The following TMC5 variants were observed in gnomAD, a reference collection of about 807,000 sequenced individuals.
TMC5 encodes transmembrane channel like 5.
Under a neutral mutation model 110.5 loss-of-function variants are expected in TMC5, and 86 were observed. The ratio of observed to expected loss-of-function variants is 0.78; its 90% CI spans 0.65 to 0.93. The LOEUF (loss-of-function observed/expected upper bound fraction) is 0.93, where lower values mean the gene tolerates loss of function less well. Ranked by LOEUF, TMC5 falls within the 40% of genes least tolerant of loss-of-function variation. The pLI is 0.00. For synonymous variants in TMC5, 455 were observed against 439.5 expected (o/e 1.04, Z -0.44); for missense variants, 1,144 against 1,222.8 (o/e 0.94, Z 0.96).
chr16:19,497,255 C>A, intron 21 of TMC5, 92 bp downstream of exon 21: 1 of 1,336,932 alleles, frequency 7.5e-7, no homozygotes, highest in Non-Finnish European at 1.1e-6. Context: ...GTGTCCATTA[C>A]TTTTTCAGTT....
At chr16:19,432,103 G>T (rs749485095) in intron 2 of TMC5, among the ~76,000 whole-genome samples, 2 of 152,094 alleles carry the variant, frequency 1.3e-5, no homozygotes, top group South Asian at 2.1e-4. Context: ...AGTGGGAGGC[G>T]GCAGAGAGCC....
At chr16:19,486,250 G>C (rs1232037924) in intron 15 of TMC5, among the ~76,000 whole-genome samples, 2 of 152,116 alleles carry the variant, frequency 1.3e-5, no homozygotes, top group Non-Finnish European at 2.9e-5. Context: ...GTGCGGGTGG[G>C]GTTGGTTTCT....
At position 19,463,862 on chromosome 16, in the gene TMC5, G is replaced by C; in HGVS notation, c.1323G>C (p.Lys441Asn). Residue 441 changes from lysine (K) to asparagine (N), a missense_variant, in exon 8 of 22, where the codon AAG becomes AAC. Physicochemically the swap from Lys to Asn is moderately conservative, Grantham distance 94. Coordinates refer to ENST00000542583, the MANE Select transcript of TMC5 (RefSeq NM_001261841.2). ...WQKTLKIIGG[K>N]FGTSVLSYFN... is the part of the protein sequence containing the mutation. ...AGACGCTGAAGATCATTGGAGGCAA[G>C]TTTGGAACCAGCGTCCTCTCCTATT... is the stretch of plus-strand genomic sequence containing the variant. 6.2e-7 allele frequency: 1 copy of C among 1,614,254 alleles called. No homozygotes were observed. The highest frequency in any genetic ancestry group is 2.2e-5 in the East Asian group (1 of 44,884).
At chr16:19,416,655 A>G (rs1169546090), upstream of TMC5, among the ~76,000 whole-genome samples, 1 of 152,198 alleles carries the variant, frequency 6.6e-6, no homozygotes, top group Non-Finnish European at 1.5e-5. Flanking sequence ...TCAGCATTTG[A>G]ATTCGAGTCA....
chr16:19,439,975 G>T lies in TMC5; in HGVS notation c.-64G>T. On this transcript the variant is annotated 5_prime_UTR_variant, in exon 3 of 22. Coordinates refer to ENST00000542583, the MANE Select transcript of TMC5 (RefSeq NM_001261841.2). ...TGTTTTTCAGGTGAAAAAAAAAAAA[G>T]ATCCCTGAGTAATTGCAAATGCTGG... The T allele has an allele frequency of 8.1e-6, 10 of 1,234,814 alleles. No homozygotes were observed. Among genetic ancestry groups the T allele is most frequent in the African/African-American group, 3.1e-5 (2 of 65,468 alleles). The allele number at this position is 1,234,814 out of a possible 1,614,324, so 76.5% of individuals were successfully genotyped here.
At position 19,440,136 on chromosome 16, in the gene TMC5, A is replaced by G; in HGVS notation, c.98A>G (p.Gln33Arg). 6.2e-7 allele frequency: 1 copy of G among 1,614,166 alleles called. No homozygotes were observed. Among genetic ancestry groups the G allele is most frequent in the African/African-American group, 1.3e-5 (1 of 75,046 alleles). Residue 33 changes from glutamine (Q) to arginine (R), a missense_variant, in exon 3 of 22, where the codon CAA (glutamine) becomes CGA (arginine). By Grantham distance (43) the Gln-to-Arg change is conservative (BLOSUM62 1). Transcript: ENST00000542583. ...QNRTQGYLKT[Q>R]GYPDVPGPLN... Reference sequence around the variant, plus strand: ...CGTACGCAGGGGTATTTGAAAACTCAAGGTTATCCAGATGTTCCAGGTCCT... The same window carrying G: ...CGTACGCAGGGGTATTTGAAAACTCGAGGTTATCCAGATGTTCCAGGTCCT...
chr16:19,431,560 G>A (rs1284435110), intron 2 of TMC5, among the ~76,000 whole-genome samples: 1 of 148,284 alleles, frequency 6.7e-6, no homozygotes, highest in Non-Finnish European at 1.5e-5. Context: ...AAAAAAAAAA[G>A]AAGAAGAAGA....
At chr16:19,444,388 CA>C (rs1252351810) in intron 4 of TMC5, 138 bp downstream of exon 4, 6 of 730,598 alleles carry the variant, frequency 8.2e-6, no homozygotes, top group Middle Eastern at 4.0e-4. Context: ...TTTTTACATA[CA>C]AAAGTTGAGA....
intron 5 of TMC5, among the ~76,000 whole-genome samples, chr16:19,454,190 G>A (rs949904429): frequency 2.0e-5 from 3 of 152,136 alleles, no homozygotes; most frequent in Non-Finnish European, 4.4e-5. Flanking sequence ...TGGGATTACA[G>A]GCCCCTGCCA....
At chr16:19,420,081 C>A (rs7197207) in intron 1 of TMC5, among the ~76,000 whole-genome samples, 7,055 of 152,148 alleles carry the variant, frequency 0.046, 231 homozygotes, top group African/African-American at 0.091. Context: ...CCTGCCTTAG[C>A]CTCCTAAGTA....
intron 2 of TMC5, among the ~76,000 whole-genome samples, chr16:19,438,409 G>GAGAAAAGAAA (rs1967398402): frequency 2.0e-5 from 1 of 50,134 alleles, no homozygotes; most frequent in South Asian, 1.2e-3. Flanking sequence ...AAAAAAAAAA[G>GAGAAAAGAAA]AAGAAAGAAA....
intron 12 of TMC5, among the ~76,000 whole-genome samples, chr16:19,475,409 G>C (rs1968462490): frequency 6.6e-6 from 1 of 151,016 alleles, no homozygotes; most frequent in African/African-American, 2.4e-5. Context: ...GTGACAGAGA[G>C]AGACTCCATC....
chr16:19,439,102 T>C (rs1967422145), intron 2 of TMC5, among the ~76,000 whole-genome samples: 1 of 152,240 alleles, frequency 6.6e-6, no homozygotes, highest in Non-Finnish European at 1.5e-5. Context: ...GAGTAGGTTA[T>C]AGTCTGTTGA....
chr16:19,448,246 A>G (rs1487827806), intron 4 of TMC5, among the ~76,000 whole-genome samples: 2 of 151,686 alleles, frequency 1.3e-5, no homozygotes, highest in African/African-American at 4.8e-5. Context: ...CTTGCTTTTC[A>G]GTTCTATATG....
chr16:19,431,191 A>C (rs1177959475), intron 2 of TMC5, among the ~76,000 whole-genome samples: 1 of 152,122 alleles, frequency 6.6e-6, no homozygotes, highest in Non-Finnish European at 1.5e-5. Context: ...CATTGATTTC[A>C]TTTATGTTAA....
intron 5 of TMC5, among the ~76,000 whole-genome samples, chr16:19,456,262 C>CAT (rs113636968): frequency 0.07 from 10,384 of 148,604 alleles, 774 homozygotes; most frequent in African/African-American, 0.19. Flanking sequence ...ATATTTAGAA[C>CAT]ATATATATGT....
intron 4 of TMC5, among the ~76,000 whole-genome samples, chr16:19,449,116 G>T (rs1298645911): frequency 6.6e-6 from 1 of 152,026 alleles, no homozygotes; most frequent in Non-Finnish European, 1.5e-5. Context: ...CTCCCAAAGT[G>T]CTGGGATTAC....
At chr16:19,446,020 A>C (rs1243825125) in intron 4 of TMC5, among the ~76,000 whole-genome samples, 1 of 145,934 alleles carries the variant, frequency 6.9e-6, no homozygotes, top group Non-Finnish European at 1.5e-5. Flanking sequence ...GTCGCAAAAA[A>C]AGAAAGGACC....
intron 1 of TMC5, among the ~76,000 whole-genome samples, chr16:19,425,578 G>A (rs1286024631): frequency 2.0e-5 from 3 of 152,106 alleles, no homozygotes; most frequent in Non-Finnish European, 4.4e-5. Context: ...GCTTTCTAGA[G>A]CTGGCGCACA....
Sources: allele counts gnomAD v4.1 joint callset (sites outside exome capture counted in the v4.1 genomes callset), GRCh38; gene constraint gnomAD v4.1.1; transcripts MANE v1.5; gene names NCBI Gene and HGNC (gene_info 2026-07-23, HGNC 2026-07-21).